The following PTPRD variants were observed in gnomAD, a reference collection of about 807,000 sequenced individuals.
PTPRD encodes protein tyrosine phosphatase receptor type D.
Under a neutral mutation model 214.5 loss-of-function variants are expected in PTPRD, and 34 were observed. That is an observed-to-expected ratio of 0.16 (90% CI 0.12 to 0.21). PTPRD has a LOEUF of 0.21. Ranked by LOEUF, PTPRD falls within the 10% of genes least tolerant of loss-of-function variation. The pLI, the probability that PTPRD is intolerant of heterozygous loss-of-function variation, is 1.00. For synonymous variants in PTPRD, 1,128 were observed against 845.7 expected (o/e 1.33, Z -5.79); for missense variants, 2,545 against 2,398.7 (o/e 1.06, Z -1.27).
At position 8,524,956 on chromosome 9, in the gene PTPRD, G is replaced by A; in HGVS notation, c.648C>T (p.Arg216=). ...CATATAAATTGGCAGGAGCGGAATA[G>A]CGAGTGCCCGCGCTGTTGGTGGCAA... is the stretch of plus-strand genomic sequence containing the variant. ...ECVATNSAGT[R]YSAPANLYVR... is the part of the protein sequence containing the mutation. The change falls in exon 18 of 46, where the codon CGC becomes CGT. Residue 216 remains arginine, a synonymous_variant. Coordinates refer to ENST00000381196, the MANE Select transcript of PTPRD (RefSeq NM_002839.4). 1 of 1,613,662 alleles carries A rather than the reference G, an allele frequency of 6.2e-7. No homozygotes were observed. The highest frequency in any genetic ancestry group is 1.1e-5 in the South Asian group (1 of 91,076).
At position 9,275,183 on chromosome 9, in the gene PTPRD, GTTATATATATATATA is replaced by G. The variant is rs1195862446; in HGVS notation, c.-202-91835_-202-91821del. 1.3e-3 allele frequency among the ~76,000 whole-genome samples: 24 copies of G among 18,676 alleles called. 1 individual carries two copies. The highest frequency in any genetic ancestry group is 2.7e-3 in the Admixed American group (3 of 1,120). 12.3% of individuals were successfully genotyped at this position (18,676 alleles called of 152,430 possible). On this transcript the variant is annotated intron_variant, in intron 9 of 45. Transcript: ENST00000381196. The stretch of plus-strand genomic sequence containing the variant: ...TATATAACATATATATAATATATAT[GTTATATATATATATA>G]TTATATATATATATATATAACCATT...
At chr9:8,528,457 G>A in intron 15 of PTPRD, 134 bp downstream of exon 15, 2 of 798,076 alleles carry the variant, frequency 2.5e-6, no homozygotes, top group Non-Finnish European at 4.1e-6. Context: ...CACCCATTAA[G>A]TAACAGAGAA....
At chr9:10,537,876 T>A (rs2058205816) in intron 2 of PTPRD, among the ~76,000 whole-genome samples, 1 of 152,096 alleles carries the variant, frequency 6.6e-6, no homozygotes, top group African/African-American at 2.4e-5. Flanking sequence ...ACCCTTATAG[T>A]GTAACCAGGA....
At chr9:9,066,237 G>C (rs977826065) in intron 10 of PTPRD, among the ~76,000 whole-genome samples, 1 of 142,118 alleles carries the variant, frequency 7.0e-6, no homozygotes, top group African/African-American at 2.6e-5. Context: ...TTTTGTGTAG[G>C]ATCGGTGTTA....
At chr9:9,684,226 C>G (rs2097128442) in intron 7 of PTPRD, among the ~76,000 whole-genome samples, 1 of 151,582 alleles carries the variant, frequency 6.6e-6, no homozygotes, top group Non-Finnish European at 1.5e-5. Flanking sequence ...TTTCAAATAG[C>G]CAAGAATAAT....
At chr9:8,880,228 A>G (rs2098432521) in intron 11 of PTPRD, among the ~76,000 whole-genome samples, 1 of 152,140 alleles carries the variant, frequency 6.6e-6, no homozygotes, top group Admixed American at 6.6e-5. Context: ...ATAAGCTGGG[A>G]GGGTAGCCAT....
At chr9:8,936,467 T>G (rs1030969257) in intron 11 of PTPRD, among the ~76,000 whole-genome samples, 8 of 107,424 alleles carry the variant, frequency 7.4e-5, no homozygotes, top group African/African-American at 2.5e-4. Context: ...GAAAAATAAC[T>G]TCATCTAATT....
chr9:9,486,094 T>C (rs2095618767), intron 8 of PTPRD, among the ~76,000 whole-genome samples: 1 of 131,652 alleles, frequency 7.6e-6, no homozygotes, highest in Non-Finnish European at 1.5e-5. Flanking sequence ...GATGTTGTGG[T>C]GAGTCGAGAT....
Position 9,545,304 on chromosome 9 carries a change from C to A in PTPRD, c.-237+29428G>T, listed in dbSNP as rs1026286929. Reference sequence around the variant, plus strand: ...AAAAATCCTCTGTGCTGTGCCTATTCATCCCTCCCTTTCTCTAACCCCTGA... The same window carrying A: ...AAAAATCCTCTGTGCTGTGCCTATTAATCCCTCCCTTTCTCTAACCCCTGA... On this transcript the variant is annotated intron_variant, in intron 8 of 45. Transcript: ENST00000381196. Among the ~76,000 whole-genome samples, 4 of 151,876 alleles carry A rather than the reference C, an allele frequency of 2.6e-5. No individual in the cohort carries two copies. In the South Asian group the frequency reaches 8.3e-4, roughly 31 times the overall value.
chr9:8,669,758 G>C (rs987506447), intron 12 of PTPRD, among the ~76,000 whole-genome samples: 1 of 152,172 alleles, frequency 6.6e-6, no homozygotes, highest in South Asian at 2.1e-4. Flanking sequence ...CACAAGGTGG[G>C]TCACCTGGAA....
At chr9:10,499,473 G>T (rs1015369817) in intron 2 of PTPRD, among the ~76,000 whole-genome samples, 1 of 151,862 alleles carries the variant, frequency 6.6e-6, no homozygotes, top group South Asian at 2.1e-4. Context: ...GACAGTTCAT[G>T]TTTTCCTGAA....
At chr9:8,530,005 G>A (rs549544574) in intron 14 of PTPRD, among the ~76,000 whole-genome samples, 98 of 152,074 alleles carry the variant, frequency 6.4e-4, no homozygotes, top group African/African-American at 1.4e-3. Context: ...AAAATTACTC[G>A]AAAGCATAAA....
intron 11 of PTPRD, among the ~76,000 whole-genome samples, chr9:8,846,784 G>C (rs2097705868): frequency 6.6e-6 from 1 of 152,172 alleles, no homozygotes; most frequent in South Asian, 2.1e-4. Context: ...GGTGGCAAGA[G>C]ACAAAGCAGA....
chr9:8,985,674 G>C (rs1271556281), intron 11 of PTPRD, among the ~76,000 whole-genome samples: 1 of 151,692 alleles, frequency 6.6e-6, no homozygotes, highest in East Asian at 1.9e-4. Flanking sequence ...ACAGGTGTTA[G>C]GTGGTAAAGC....
intron 44 of PTPRD, among the ~76,000 whole-genome samples, chr9:8,328,214 T>G (rs1381631228): frequency 2.0e-5 from 3 of 152,208 alleles, no homozygotes; most frequent in Non-Finnish European, 4.4e-5. Flanking sequence ...GCAGGCCTGG[T>G]GGTGACAAAA....
chr9:9,891,843 A>G (rs972108640), intron 5 of PTPRD, among the ~76,000 whole-genome samples: 7 of 152,188 alleles, frequency 4.6e-5, no homozygotes, highest in Admixed American at 4.6e-4. Flanking sequence ...TTTAGATTTT[A>G]TCAAAGTATT....
At chr9:8,713,479 T>A in intron 12 of PTPRD, 1 of 1,125,256 alleles carries the variant, frequency 8.9e-7, no homozygotes, top group East Asian at 2.4e-5. Flanking sequence ...AATGAAGAAG[T>A]CTTCAGGGGA....
intron 14 of PTPRD, among the ~76,000 whole-genome samples, chr9:8,595,470 T>A (rs1211936739): frequency 6.6e-6 from 1 of 152,144 alleles, no homozygotes; most frequent in Non-Finnish European, 1.5e-5. Context: ...TATCTGGATA[T>A]AAGCCATGAG....
At chr9:9,867,227 T>G (rs1345756799) in intron 5 of PTPRD, among the ~76,000 whole-genome samples, 2 of 152,160 alleles carry the variant, frequency 1.3e-5, no homozygotes, top group Admixed American at 1.3e-4. Flanking sequence ...TTGTTTATTT[T>G]CCTGATCACA....
Sources: gnomAD v4.1 joint callset for allele counts (sites outside exome capture counted in the v4.1 genomes callset) on GRCh38, gnomAD v4.1.1 for gene constraint, MANE v1.5 for transcripts, NCBI Gene and HGNC (gene_info 2026-07-23, HGNC 2026-07-21) for gene names.